The following MSH3 variants were observed in gnomAD, a reference collection of about 807,000 sequenced individuals.
The protein encoded by MSH3 is mutS homolog 3.
MSH3 carries 106 observed loss-of-function variants against 123.3 expected under a neutral mutation model. The ratio of observed to expected loss-of-function variants is 0.86; its 90% CI spans 0.73 to 1.01. The LOEUF (loss-of-function observed/expected upper bound fraction) is 1.01. MSH3 is among the 50% of genes least tolerant of loss of function. The pLI, the probability that MSH3 is intolerant of heterozygous loss-of-function variation, is 0.00. For missense variants in MSH3, 1,459 were observed against 1,347.6 expected (o/e 1.08, Z -1.29); for synonymous variants, 515 against 481.4 (o/e 1.07, Z -0.91).
intron 21 of MSH3, 95 bp downstream of exon 21, chr5:80,854,411 A>G (rs1561500109): frequency 8.4e-6 from 9 of 1,070,846 alleles, no homozygotes; most frequent in Admixed American, 1.9e-5. Context: ...ATGGGGTACA[A>G]TGTGATGTTT....
chr5:80,769,717 A>T (rs1744185121), intron 15 of MSH3, among the ~76,000 whole-genome samples: 1 of 152,112 alleles, frequency 6.6e-6, no homozygotes, highest in Admixed American at 6.5e-5. Context: ...AAAATACCAA[A>T]TTAGGAAACT....
intron 3 of MSH3, among the ~76,000 whole-genome samples, chr5:80,666,223 T>C (rs753628856): frequency 1.6e-4 from 24 of 152,330 alleles, no homozygotes; most frequent in South Asian, 1.0e-3. Flanking sequence ...CATTTTAATC[T>C]GTAGCTGTGA....
intron 4 of MSH3, among the ~76,000 whole-genome samples, chr5:80,671,765 G>A (rs1749728912): frequency 6.6e-6 from 1 of 152,164 alleles, no homozygotes; most frequent in Non-Finnish European, 1.5e-5. Flanking sequence ...ATTTCTATCA[G>A]TCGTGCATCA....
At position 80,654,693 on chromosome 5, in the gene MSH3, A is replaced by T. The variant is rs1105524; in HGVS notation, c.-35A>T. 5.8e-6 allele frequency: 9 copies of T among 1,562,394 alleles called. No individual in the cohort carries two copies. The Admixed American group carries it at 1.1e-4, about 18-fold the overall frequency. ...CGGCCGCGGGCTCGCGCTCCTCGCC[A>T]GGCCCTGCCGCCGGGCTGCCATCCT... On this transcript the variant is annotated 5_prime_UTR_variant, in exon 1 of 24. Transcript: ENST00000265081.
chr5:80,708,737 A>C (rs1359781098), intron 8 of MSH3, among the ~76,000 whole-genome samples: 1 of 151,540 alleles, frequency 6.6e-6, no homozygotes, highest in East Asian at 1.9e-4. Context: ...TTAGACTTTG[A>C]CTTTCTAGGA....
intron 20 of MSH3, among the ~76,000 whole-genome samples, chr5:80,830,963 TAGAA>T (rs150277446): frequency 1.4e-3 from 219 of 152,318 alleles, no homozygotes; most frequent in African/African-American, 4.6e-3. Context: ...TTGCAATCAT[TAGAA>T]GGAAGGATTA....
intron 21 of MSH3, among the ~76,000 whole-genome samples, chr5:80,861,632 T>C (rs1330403127): frequency 1.3e-5 from 2 of 152,150 alleles, no homozygotes; most frequent in African/African-American, 4.8e-5. Flanking sequence ...GAGAACCAAG[T>C]GGAACTCCTG....
At chr5:80,692,444 A>G (rs1452372596) in intron 8 of MSH3, among the ~76,000 whole-genome samples, 1 of 44,806 alleles carries the variant, frequency 2.2e-5, no homozygotes, top group African/African-American at 1.6e-4. Context: ...AAACATGTAT[A>G]TGTTTAGATA....
chr5:80,694,267 C>T (rs1442177095), intron 8 of MSH3, among the ~76,000 whole-genome samples: 4 of 152,028 alleles, frequency 2.6e-5, no homozygotes, highest in African/African-American at 9.7e-5. Flanking sequence ...AAATGACATA[C>T]ACAAAAAGCA....
chr5:80,826,785 G>C (rs1745321590), intron 20 of MSH3, among the ~76,000 whole-genome samples: 1 of 152,096 alleles, frequency 6.6e-6, no homozygotes, highest in African/African-American at 2.4e-5. Context: ...CTAACCTCAG[G>C]TAATCCACCT....
Position 80,799,500 on chromosome 5 carries a change from CTTTTTTTTTTTTT to C in MSH3, c.2655+6676_2655+6688del, listed in dbSNP as rs746348952. Among the ~76,000 whole-genome samples the C allele has an allele frequency of 2.2e-3, 71 of 32,322 alleles. 1 individual carries two copies. The highest frequency in any genetic ancestry group is 0.062 in the Middle Eastern group (1 of 16). 21.2% of individuals were successfully genotyped at this position (32,322 alleles called of 152,430 possible). Reference sequence around the variant, plus strand: ...TTTATACCTGTCAAGGAAGATAGCACTTTTTTTTTTTTTTTTTTTTTTTTTTTTTTTTACAGAA... The same window carrying C: ...TTTATACCTGTCAAGGAAGATAGCACTTTTTTTTTTTTTTTTTTTACAGAA... On this transcript the variant is annotated intron_variant, in intron 19 of 23. Transcript: ENST00000265081.
chr5:80,660,488 C>T (rs747361745), intron 2 of MSH3, among the ~76,000 whole-genome samples: 5 of 151,972 alleles, frequency 3.3e-5, no homozygotes, highest in East Asian at 3.9e-4. Context: ...ATATTTGGGT[C>T]GGGGCACAGT....
At chr5:80,711,669 T>C (rs1006505576) in intron 8 of MSH3, among the ~76,000 whole-genome samples, 2 of 152,162 alleles carry the variant, frequency 1.3e-5, no homozygotes, top group Non-Finnish European at 2.9e-5. Context: ...TTTTTCTTTT[T>C]TTTGACATGG....
intron 2 of MSH3, among the ~76,000 whole-genome samples, chr5:80,663,658 AAAC>A (rs1749497296): frequency 6.6e-6 from 1 of 152,238 alleles, no homozygotes; most frequent in Non-Finnish European, 1.5e-5. Flanking sequence ...GAGTAATAGT[AAAC>A]AAGGTGAATA....
intron 20 of MSH3, among the ~76,000 whole-genome samples, chr5:80,833,622 T>C (rs1745458267): frequency 6.6e-6 from 1 of 152,140 alleles, no homozygotes; most frequent in South Asian, 2.1e-4. Context: ...TTTGTATTTT[T>C]AGTAGAGATG....
rs6151630 is a variant in MSH3 at position 80,670,359 on chromosome 5, G to A, written c.792+50G>A. On this transcript the variant is annotated intron_variant, in intron 4 of 23. Coordinates refer to ENST00000265081, the MANE Select transcript of MSH3 (RefSeq NM_002439.5). ...TTTATATTTTTCTTGTCTAGCCTTA[G>A]ATATTTTTCAGTATTTTTGTTTCAT... 0.049 allele frequency: 75,553 copies of A among 1,554,860 alleles called. 2,185 individuals carry two copies. The highest frequency in any genetic ancestry group is 0.055 in the Non-Finnish European group (61,744 of 1,129,038).
intron 21 of MSH3, among the ~76,000 whole-genome samples, chr5:80,859,721 T>G (rs1056877589): frequency 1.9e-4 from 29 of 151,344 alleles, no homozygotes; most frequent in East Asian, 5.8e-4. Flanking sequence ...TCTTTTTTTT[T>G]TTTTTTGTTT....
intron 8 of MSH3, among the ~76,000 whole-genome samples, chr5:80,685,125 T>C (rs1335632778): frequency 2.6e-5 from 4 of 152,040 alleles, no homozygotes; most frequent in Admixed American, 6.6e-5. Flanking sequence ...TCTAATTTTC[T>C]TTATTTGATA....
At chr5:80,795,463 C>T (rs1744679950) in intron 19 of MSH3, among the ~76,000 whole-genome samples, 2 of 152,056 alleles carry the variant, frequency 1.3e-5, no homozygotes, top group South Asian at 4.1e-4. Flanking sequence ...TAGATGACAC[C>T]TCACATGGTG....
Sources: gnomAD v4.1 joint callset for allele counts (sites outside exome capture counted in the v4.1 genomes callset) on GRCh38, gnomAD v4.1.1 for gene constraint, MANE v1.5 for transcripts, NCBI Gene and HGNC (gene_info 2026-07-23, HGNC 2026-07-21) for gene names.